RBM28: variants seen among roughly 807,000 people sequenced by gnomAD.
RBM28 encodes RNA binding motif protein 28.
In RBM28, 78 loss-of-function variants were observed where a neutral mutation model predicts 98.3. The observed-to-expected ratio is 0.79, with a 90% CI of 0.66 to 0.96. The LOEUF (loss-of-function observed/expected upper bound fraction) is 0.96, where lower values mean the gene tolerates loss of function less well. Among genes scored for constraint, RBM28 ranks in the 40% least tolerant of loss-of-function variants. The pLI is 0.00. For missense variants in RBM28, 838 were observed against 913.0 expected (o/e 0.92, Z 1.06); for synonymous variants, 306 against 330.9 (o/e 0.92, Z 0.82).
intron 17 of RBM28, among the ~76,000 whole-genome samples, 196 bp downstream of exon 17, chr7:128,314,568 G>A (rs1268611971): frequency 6.6e-6 from 1 of 152,200 alleles, no homozygotes; most frequent in Non-Finnish European, 1.5e-5. Context: ...TGCCCTAGGA[G>A]GCCCCTCTGC....
intron 16 of RBM28, among the ~76,000 whole-genome samples, chr7:128,317,447 C>T (rs1228584826): frequency 1.3e-5 from 2 of 152,176 alleles, no homozygotes; most frequent in Non-Finnish European, 2.9e-5. Flanking sequence ...TCTGCTTCCT[C>T]TCTCCTTCCT....
At position 128,333,755 on chromosome 7, in the gene RBM28, G is replaced by A. The variant is rs553572925; in HGVS notation, c.947-393C>T. Reference sequence around the variant, plus strand: ...ATAAATAAAAATAAAAATAGACAAAGGACATGCTAAGTATATGAAAAGATG... The same window carrying A: ...ATAAATAAAAATAAAAATAGACAAAAGACATGCTAAGTATATGAAAAGATG... On this transcript the variant is annotated intron_variant, in intron 8 of 18. Coordinates refer to ENST00000223073, the MANE Select transcript of RBM28 (RefSeq NM_018077.3). Among the ~76,000 whole-genome samples, 6 of 152,008 alleles carry A rather than the reference G, an allele frequency of 3.9e-5. 1 individual carries two copies. The highest frequency in any genetic ancestry group is 1.4e-4 in the African/African-American group (6 of 41,484).
chr7:128,329,609 C>G (rs1796428358), intron 10 of RBM28, among the ~76,000 whole-genome samples: 2 of 152,196 alleles, frequency 1.3e-5, no homozygotes, highest in African/African-American at 4.8e-5. Flanking sequence ...AAATTAAGAA[C>G]TTAACGCCGG....
intron 1 of RBM28, among the ~76,000 whole-genome samples, chr7:128,342,290 G>C (rs1254610334): frequency 6.6e-6 from 1 of 152,160 alleles, no homozygotes; most frequent in Non-Finnish European, 1.5e-5. Flanking sequence ...ATAAGCTTTT[G>C]TCCTATTCTC....
At chr7:128,338,137 T>C (rs1796641468) in intron 5 of RBM28, 113 bp downstream of exon 5, 1 of 792,234 alleles carries the variant, frequency 1.3e-6, no homozygotes. Context: ...GTATTAGCAA[T>C]GAGACTCTTA....
intron 10 of RBM28, 117 bp downstream of exon 10, chr7:128,330,702 T>C (rs1796461781): frequency 2.5e-6 from 2 of 802,408 alleles, no homozygotes; most frequent in African/African-American, 1.7e-5. Flanking sequence ...CCCAGAAACC[T>C]GGGCTGGATG....
chr7:128,314,888 T>C lies in RBM28; in HGVS notation c.1921A>G (p.Lys641Glu). 1.2e-6 allele frequency: 2 copies of C among 1,614,180 alleles called. No homozygotes were observed. Among genetic ancestry groups the C allele is most frequent in the Non-Finnish European group, 1.7e-6 (2 of 1,180,024 alleles). Reference sequence around the variant, plus strand: ...CCGGTCCATGAGGTAGAGCCCGCCTTTCTCTTCTGCTCTGGGGGCACCTTG... The same window carrying C: ...CCGGTCCATGAGGTAGAGCCCGCCTCTCTCTTCTGCTCTGGGGGCACCTTG... Reference protein sequence around the residue: ...QSKVPPEQKRKAGSTSWTGFQ... With the variant: ...QSKVPPEQKREAGSTSWTGFQ... The change falls in exon 17 of 19, where the codon AAG (lysine) becomes GAG (glutamate). Residue 641 changes from lysine to glutamate, a missense_variant. By Grantham distance (56) the Lys-to-Glu change is moderately conservative. Transcript: ENST00000223073.
intron 12 of RBM28, among the ~76,000 whole-genome samples, chr7:128,323,905 A>AT (rs1454985803): frequency 1.3e-5 from 2 of 152,206 alleles, no homozygotes; most frequent in Non-Finnish European, 2.9e-5. Flanking sequence ...ACATAAGTAC[A>AT]TTTTGGGCAT....
At position 128,302,381 on chromosome 7, in the gene RBM28, G is replaced by A. The variant is rs1406048390; in HGVS notation, c.*8416C>T. The A allele has an allele frequency of 6.6e-6, 1 of 152,192 alleles. No individual in the cohort carries two copies. Among genetic ancestry groups the A allele is most frequent in the Non-Finnish European group, 1.5e-5 (1 of 68,036 alleles). The allele number at this position is 152,192 out of a possible 1,614,324, so 9.4% of individuals were successfully genotyped here. On this transcript the variant is annotated 3_prime_UTR_variant, in exon 19 of 19. Coordinates refer to ENST00000223073, the MANE Select transcript of RBM28 (RefSeq NM_018077.3). The stretch of plus-strand genomic sequence containing the variant: ...CCTGAGCAGCTACTTCAATCCTAAT[G>A]TCCCTTTAATAGCTCTCGTCAAATT...
In RBM28 at chr7:128,301,558, C is replaced by G. The variant is rs563638187; in HGVS notation, c.*9239G>C. On this transcript the variant is annotated 3_prime_UTR_variant, in exon 19 of 19. Transcript: ENST00000223073. ...CCCTTCTCTTGGTTCCTGCTTTTGT[C>G]TCTAGCCTTCCTAGAGTAGCTCAGA... is the stretch of plus-strand genomic sequence containing the variant. The G allele has an allele frequency of 1.3e-5, 2 of 152,406 alleles. No individual in the cohort carries two copies. Among genetic ancestry groups the G allele is most frequent in the Non-Finnish European group, 2.9e-5 (2 of 68,198 alleles). The allele number at this position is 152,406 out of a possible 1,614,324, so 9.4% of individuals were successfully genotyped here.
At chr7:128,343,160 T>A (rs1367331154) in intron 1 of RBM28, among the ~76,000 whole-genome samples, 1 of 152,182 alleles carries the variant, frequency 6.6e-6, no homozygotes, top group East Asian at 1.9e-4. Context: ...CAGTAGGTAT[T>A]AAGTATTTGC....
At position 128,314,861 on chromosome 7, in the gene RBM28, A is replaced by G; in HGVS notation, c.1948T>C (p.Phe650Leu). ...RKAGSTSWTG[F>L]QTKAEVEQVE... ...TGCTCCACTTCAGCCTTGGTCTGGA[A>G]CCCGGTCCATGAGGTAGAGCCCGCC... is the stretch of plus-strand genomic sequence containing the variant. Residue 650 changes from phenylalanine (F) to leucine (L), a missense_variant, in exon 17 of 19, where the codon TTC (phenylalanine) becomes CTC (leucine). Coordinates refer to ENST00000223073, the MANE Select transcript of RBM28 (RefSeq NM_018077.3). The G allele has an allele frequency of 6.2e-7, 1 of 1,613,960 alleles. No homozygotes were observed. Among genetic ancestry groups the G allele is most frequent in the Non-Finnish European group, 8.5e-7 (1 of 1,179,980 alleles).
rs1356749212 is a variant in RBM28 at position 128,309,070 on chromosome 7, G to A, written c.*1727C>T. On this transcript the variant is annotated 3_prime_UTR_variant, in exon 19 of 19. Transcript: ENST00000223073. ...ACACTCAACTAGACTAAGCAATCAA[G>A]AATTTTGGGCCACGTTCTCAACTTT... 2.7e-5 allele frequency: 4 copies of A among 150,564 alleles called. No individual in the cohort carries two copies. Among genetic ancestry groups the A allele is most frequent in the Non-Finnish European group, 5.9e-5 (4 of 67,750 alleles). The allele number at this position is 150,564 out of a possible 1,614,324, so 9.3% of individuals were successfully genotyped here.
intron 5 of RBM28, among the ~76,000 whole-genome samples, chr7:128,337,680 CTT>C (rs1304802926): frequency 6.6e-6 from 1 of 151,710 alleles, no homozygotes; most frequent in Non-Finnish European, 1.5e-5. Flanking sequence ...GCCTCAGCCT[CTT>C]GAGTAGCTGG....
At chr7:128,330,107 G>A (rs570952392) in intron 10 of RBM28, among the ~76,000 whole-genome samples, 12 of 151,708 alleles carry the variant, frequency 7.9e-5, no homozygotes, top group South Asian at 2.1e-4. Flanking sequence ...TCCTTCTAAC[G>A]GCTGACACTG....
chr7:128,305,788 G>C lies in RBM28; in HGVS notation c.*5009C>G, dbSNP rs763997269. 5.9e-5 allele frequency: 9 copies of C among 152,190 alleles called. No homozygotes were observed. Among genetic ancestry groups the C allele is most frequent in the Admixed American group, 1.3e-4 (2 of 15,282 alleles). The allele number at this position is 152,190 out of a possible 1,614,324, so 9.4% of individuals were successfully genotyped here. A position where few individuals can be genotyped will look rare whatever the true frequency, so the allele number is the denominator to read the frequency against. On this transcript the variant is annotated 3_prime_UTR_variant, in exon 19 of 19. Coordinates refer to ENST00000223073, the MANE Select transcript of RBM28 (RefSeq NM_018077.3). ...CTAAGGGGAGTTGCTAGTGGACCAA[G>C]GCCCAGACCACAATGCAGGGGAGAG...
intron 11 of RBM28, 125 bp downstream of exon 11, chr7:128,325,693 A>G (rs987722830): frequency 2.8e-5 from 20 of 723,058 alleles, no homozygotes; most frequent in Non-Finnish European, 4.6e-5. Context: ...AAAGTGCTAA[A>G]TAAGTGTTAG....
At position 128,339,738 on chromosome 7, in the gene RBM28, C is replaced by T. The variant is rs760395590; in HGVS notation, c.172G>A (p.Val58Ile). 2.5e-6 allele frequency: 4 copies of T among 1,614,030 alleles called. No homozygotes were observed. The highest frequency in any genetic ancestry group is 2.5e-6 in the Non-Finnish European group (3 of 1,179,910). ...GYVTFSMLED[V>I]QRALKEITTF... ...GTAATCTCCTTGAGGGCCCTCTGAA[C>T]ATCTTCCAGCATTGAAAAAGTGACA... The change falls in exon 2 of 19, where the codon GTT becomes ATT. Residue 58 changes from valine to isoleucine, a missense_variant. By Grantham distance (29) the Val-to-Ile change is conservative. Transcript: ENST00000223073.
intron 14 of RBM28, among the ~76,000 whole-genome samples, chr7:128,320,215 C>CAAAA (rs1164059031): frequency 3.9e-5 from 2 of 51,144 alleles, no homozygotes; most frequent in African/African-American, 2.3e-4. Context: ...GACTCCGTCT[C>CAAAA]AAAAAAAAAA....
Sources: gnomAD v4.1 joint callset for allele counts (sites outside exome capture counted in the v4.1 genomes callset) on GRCh38, gnomAD v4.1.1 for gene constraint, MANE v1.5 for transcripts, NCBI Gene and HGNC (gene_info 2026-07-23, HGNC 2026-07-21) for gene names.